RBL2: variants seen among roughly 807,000 people sequenced by gnomAD.
RBL2 encodes retinoblastoma-like protein 2.
In RBL2, 56 loss-of-function variants were observed where a neutral mutation model predicts 126.0. The observed-to-expected ratio is 0.44, with a 90% CI of 0.36 to 0.56. The LOEUF is 0.56. Ranked by LOEUF, RBL2 falls within the 20% of genes least tolerant of loss-of-function variation. RBL2 has a pLI of 0.00. For synonymous variants in RBL2, 454 were observed against 478.5 expected, an observed-to-expected ratio of 0.95 and a Z score of 0.67; for missense variants, 1,229 against 1,398.2, an observed-to-expected ratio of 0.88 and a Z score of 1.93.
At chr16:53,457,441 A>G (rs962719337) in intron 8 of RBL2, among the ~76,000 whole-genome samples, 13 of 151,000 alleles carry the variant, frequency 8.6e-5, no homozygotes, top group Non-Finnish European at 1.9e-4. Flanking sequence ...TTGTATTTTT[A>G]GTAGAAACGG....
At chr16:53,452,122 G>A (rs893615921) in intron 5 of RBL2, among the ~76,000 whole-genome samples, 12 of 152,162 alleles carry the variant, frequency 7.9e-5, no homozygotes, top group Admixed American at 4.6e-4. Flanking sequence ...CATTAAAGCC[G>A]ATGATGTTTT....
At position 53,479,177 on chromosome 16, in the gene RBL2, C is replaced by T; in HGVS notation, c.2727C>T (p.Phe909=). Residue 909 remains phenylalanine (F), a synonymous_variant, in exon 18 of 22, where the codon TTC becomes TTT. Transcript: ENST00000262133. ...AGGTCACAAAAGAAGATAAGTCCTT[C>T]CAGAACATTATGCGTTGTTATAGGA... The part of the protein sequence containing the change: ...MAKVTKEDKS[F]QNIMRCYRTQ... 6.2e-7 allele frequency: 1 copy of T among 1,613,868 alleles called. No homozygotes were observed. The highest frequency in any genetic ancestry group is 8.5e-7 in the Non-Finnish European group (1 of 1,179,790).
At chr16:53,487,070 T>A (rs1961206112) in intron 21 of RBL2, among the ~76,000 whole-genome samples, 1 of 152,232 alleles carries the variant, frequency 6.6e-6, no homozygotes, top group South Asian at 2.1e-4. Context: ...AATGTGTTCA[T>A]GACATTGAAT....
intron 3 of RBL2, 68 bp downstream of exon 3, chr16:53,442,926 GTTTTT>G (rs887232156): frequency 9.9e-7 from 1 of 1,005,122 alleles, no homozygotes; most frequent in Admixed American, 3.2e-5. Flanking sequence ...ATTCTGCTAG[GTTTTT>G]TTTTTCTGGT....
In RBL2 at chr16:53,449,747, A is replaced by G. The variant is rs188235224; in HGVS notation, c.638-1956A>G. ...CTCTTTTATAGCCACCTTTCTAATG[A>G]CAAATAAGCCAACTCTGGAGATGAA... On this transcript the variant is annotated intron_variant, in intron 4 of 21. Transcript: ENST00000262133. Among the ~76,000 whole-genome samples the G allele has an allele frequency of 1.8e-3, 279 of 152,212 alleles. 2 individuals carry two copies. Among genetic ancestry groups the G allele is most frequent in the African/African-American group, 6.3e-3 (261 of 41,532 alleles).
chr16:53,464,589 T>A (rs2058253776), intron 12 of RBL2: 2 of 354,350 alleles, frequency 5.6e-6, no homozygotes, highest in Non-Finnish European at 9.8e-6. Flanking sequence ...TTCCTCTCTA[T>A]CTAATAAAAG....
At chr16:53,443,446 AT>A (rs1364705025) in intron 3 of RBL2, 2 of 152,176 alleles carry the variant, frequency 1.3e-5, no homozygotes, top group East Asian at 3.8e-4. Flanking sequence ...TTCTCTATGT[AT>A]TTTGATGTTT....
At chr16:53,460,786 T>C (rs1448781996) in intron 9 of RBL2, among the ~76,000 whole-genome samples, 2 of 152,190 alleles carry the variant, frequency 1.3e-5, no homozygotes, top group Non-Finnish European at 2.9e-5. Flanking sequence ...TTATTCTCTT[T>C]ATAATTTTTT....
At chr16:53,469,855 A>G in intron 14 of RBL2, 61 bp from the exon 15 acceptor site, 1 of 1,475,842 alleles carries the variant, frequency 6.8e-7, no homozygotes, top group Non-Finnish European at 9.0e-7. Flanking sequence ...AAGAGCTTGG[A>G]CGGAAGTCAG....
intron 4 of RBL2, among the ~76,000 whole-genome samples, chr16:53,450,316 GAGAA>G (rs1178644121): frequency 6.6e-6 from 1 of 152,160 alleles, no homozygotes; most frequent in African/African-American, 2.4e-5. Context: ...GAGGAACAGA[GAGAA>G]AGGGAAACCT....
At chr16:53,484,539 A>C (rs1961085093) in intron 21 of RBL2, among the ~76,000 whole-genome samples, 1 of 152,224 alleles carries the variant, frequency 6.6e-6, no homozygotes, top group Admixed American at 6.5e-5. Flanking sequence ...ATGCTACAAT[A>C]TGAATGGACC....
At chr16:53,446,757 T>C (rs1026500666) in intron 3 of RBL2, among the ~76,000 whole-genome samples, 5 of 152,242 alleles carry the variant, frequency 3.3e-5, no homozygotes, top group African/African-American at 1.2e-4. Context: ...TCAAAAGAAC[T>C]ATTTTTATTC....
At chr16:53,444,160 A>G (rs970335432) in intron 3 of RBL2, among the ~76,000 whole-genome samples, 2 of 151,962 alleles carry the variant, frequency 1.3e-5, no homozygotes, top group African/African-American at 4.8e-5. Context: ...GAGTCAGTAG[A>G]ATCCCTTGAA....
intron 4 of RBL2, 62 bp from the exon 5 acceptor site, chr16:53,451,641 T>G: frequency 6.4e-7 from 1 of 1,552,022 alleles, no homozygotes; most frequent in South Asian, 1.2e-5. Context: ...AAGGAAGAAA[T>G]TTTTTAAAAA....
In RBL2 at chr16:53,434,622, TGAGGAG is replaced by T; in HGVS notation, c.75_80del (p.Glu25_Glu26del). On this transcript the variant is annotated inframe_deletion, in exon 1 of 22. Transcript: ENST00000262133. The stretch of plus-strand genomic sequence containing the variant: ...CCCCTCCGGCGGCGGCAGCCTCGGA[TGAGGAG>T]GAGGAGGACGACGGCGAGGCGGAAG... 6.4e-7 allele frequency: 1 copy of T among 1,558,216 alleles called. No individual in the cohort carries two copies. The highest frequency in any genetic ancestry group is 8.6e-7 in the Non-Finnish European group (1 of 1,162,096).
At chr16:53,472,545 T>G (rs557212403) in intron 17 of RBL2, among the ~76,000 whole-genome samples, 14 of 152,236 alleles carry the variant, frequency 9.2e-5, no homozygotes, top group African/African-American at 3.4e-4. Context: ...GCCATTTGCA[T>G]ATCTTATTTG....
intron 8 of RBL2, among the ~76,000 whole-genome samples, chr16:53,456,800 G>C (rs1239897357): frequency 6.6e-6 from 1 of 152,162 alleles, no homozygotes; most frequent in East Asian, 1.9e-4. Context: ...TCTGGTCTCT[G>C]ATAACCCAAC....
At chr16:53,444,286 T>C (rs2058041959) in intron 3 of RBL2, among the ~76,000 whole-genome samples, 1 of 150,742 alleles carries the variant, frequency 6.6e-6, no homozygotes, top group South Asian at 2.1e-4. Flanking sequence ...GTATTCTGGC[T>C]GAGTGCCTGT....
chr16:53,461,691 G>A (rs755232190), intron 9 of RBL2, 50 bp from the exon 10 acceptor site: 1 of 1,323,224 alleles, frequency 7.6e-7, no homozygotes, highest in East Asian at 2.4e-5. Flanking sequence ...TTATCCCCTT[G>A]TGACTTGACA....
Sources: gnomAD v4.1 joint callset for allele counts (sites outside exome capture counted in the v4.1 genomes callset) on GRCh38, gnomAD v4.1.1 for gene constraint, MANE v1.5 for transcripts, NCBI Gene and HGNC (gene_info 2026-07-23, HGNC 2026-07-21) for gene names.